Variants in DOCK1 observed in about 807,000 individuals in gnomAD.
The protein encoded by DOCK1 is dedicator of cytokinesis 1, also known as dedicator of cytokinesis protein 1.
In DOCK1, 138 loss-of-function variants were observed where a neutral mutation model predicts 262.7. The ratio of observed to expected loss-of-function variants is 0.53; its 90% CI spans 0.46 to 0.61. The LOEUF is 0.61. DOCK1 is among the 20% of genes least tolerant of loss of function. The probability of loss-of-function intolerance (pLI) is 0.00; values close to 1 mark genes in which losing one functional copy is unlikely to be tolerated. For missense variants in DOCK1, 1,908 were observed against 2,370.7 expected (o/e 0.80, Z 4.05); for synonymous variants, 866 against 867.4 (o/e 1.00, Z 0.03).
intron 1 of DOCK1, among the ~76,000 whole-genome samples, chr10:126,934,747 GTTTTTTTT>G (rs1166445414): frequency 3.9e-3 from 415 of 107,466 alleles, no homozygotes; most frequent in Non-Finnish European, 5.7e-3. Context: ...GAATTTACGA[GTTTTTTTT>G]TTTTTTTTTT....
intron 1 of DOCK1, among the ~76,000 whole-genome samples, chr10:126,948,671 C>A (rs1354977291): frequency 6.6e-6 from 1 of 152,074 alleles, no homozygotes; most frequent in Non-Finnish European, 1.5e-5. Flanking sequence ...GCCAGAGGCA[C>A]TGCTTCCCAG....
Position 127,012,636 on chromosome 10 carries a change from C to G in DOCK1, c.1201+262C>G, listed in dbSNP as rs1007768535. Among the ~76,000 whole-genome samples, 1 of 152,138 alleles carries G rather than the reference C, an allele frequency of 6.6e-6. No individual in the cohort carries two copies. Among genetic ancestry groups the G allele is most frequent in the African/African-American group, 2.4e-5 (1 of 41,424 alleles). ...CAGATTAGAAGTTTAGAGGAACATG[C>G]AGGCGGTAGGCGTAACTCCCTCTGC... On this transcript the variant is annotated intron_variant, in intron 12 of 51. Coordinates refer to ENST00000623213, the MANE Select transcript of DOCK1 (RefSeq NM_001290223.2). This position sits in a 1 kb window ranked among gnomAD's most constrained non-coding sequence, Gnocchi z 4.0.
intron 51 of DOCK1, 48 bp downstream of exon 51, chr10:127,447,593 A>G (rs769369173): frequency 1.3e-6 from 2 of 1,599,472 alleles, no homozygotes; most frequent in East Asian, 4.5e-5. Flanking sequence ...CGCCTCCACA[A>G]AGTAGGACGA....
At chr10:127,011,263 G>A (rs899130328) in intron 11 of DOCK1, among the ~76,000 whole-genome samples, 10 of 152,118 alleles carry the variant, frequency 6.6e-5, no homozygotes, top group South Asian at 2.1e-4. Flanking sequence ...GGGAAATGTC[G>A]TGCTAATGAA....
At chr10:127,222,884 C>T (rs2058494324) in intron 27 of DOCK1, among the ~76,000 whole-genome samples, 1 of 150,264 alleles carries the variant, frequency 6.7e-6, no homozygotes, top group Non-Finnish European at 1.5e-5. Context: ...ACTGTGTTGC[C>T]CAGACTGGTC....
At chr10:127,310,023 G>A (rs1013143153) in intron 29 of DOCK1, among the ~76,000 whole-genome samples, 3 of 151,854 alleles carry the variant, frequency 2.0e-5, no homozygotes, top group Admixed American at 6.6e-5. Context: ...CTACAAGCAC[G>A]TGCCACCACA....
At chr10:127,358,007 T>A (rs984254483) in intron 32 of DOCK1, among the ~76,000 whole-genome samples, 9 of 149,492 alleles carry the variant, frequency 6.0e-5, no homozygotes, top group South Asian at 2.1e-4. Flanking sequence ...TTTTTTTTTT[T>A]ATTTTAATTT....
chr10:127,068,258 G>A (rs373979542), intron 23 of DOCK1, among the ~76,000 whole-genome samples: 5 of 151,760 alleles, frequency 3.3e-5, no homozygotes, highest in African/African-American at 1.2e-4. Flanking sequence ...ATTTATTTCC[G>A]GGCTAGCATC....
chr10:127,065,199 C>T (rs930607164), intron 23 of DOCK1, among the ~76,000 whole-genome samples: 4 of 151,908 alleles, frequency 2.6e-5, no homozygotes, highest in Admixed American at 2.0e-4. Flanking sequence ...TTAGTAGAGA[C>T]GGGGTTTCAC....
intron 19 of DOCK1, among the ~76,000 whole-genome samples, chr10:127,040,346 G>A (rs2043939369): frequency 6.6e-6 from 1 of 152,226 alleles, no homozygotes; most frequent in African/African-American, 2.4e-5. Context: ...CTGTTTGCAT[G>A]TGACATTTTC....
chr10:127,412,147 A>G (rs1305530770), intron 43 of DOCK1, among the ~76,000 whole-genome samples: 1 of 151,762 alleles, frequency 6.6e-6, no homozygotes, highest in East Asian at 2.0e-4. Flanking sequence ...TATTTTTAGT[A>G]GAGACGGGGT....
chr10:127,291,835 A>G (rs1031834956), intron 29 of DOCK1, among the ~76,000 whole-genome samples: 1 of 152,216 alleles, frequency 6.6e-6, no homozygotes, highest in Non-Finnish European at 1.5e-5. Context: ...AGTGAAATGC[A>G]GACATAAATC....
At chr10:127,064,601 T>G (rs972344036) in intron 23 of DOCK1, among the ~76,000 whole-genome samples, 1 of 152,164 alleles carries the variant, frequency 6.6e-6, no homozygotes, top group African/African-American at 2.4e-5. Flanking sequence ...CTGCCTGCCT[T>G]CACTCCCCTT....
chr10:126,970,876 A>G (rs765978823), intron 2 of DOCK1, 91 bp downstream of exon 2: 3 of 1,369,946 alleles, frequency 2.2e-6, no homozygotes, highest in Non-Finnish European at 3.0e-6. Context: ...CCTCTGTTAC[A>G]GACACATAAG....
intron 27 of DOCK1, among the ~76,000 whole-genome samples, chr10:127,167,680 A>G (rs2054201340): frequency 6.6e-6 from 1 of 152,022 alleles, no homozygotes; most frequent in Non-Finnish European, 1.5e-5. Flanking sequence ...GGCCAGGGTG[A>G]ACTAAAACAA....
intron 1 of DOCK1, among the ~76,000 whole-genome samples, chr10:126,929,506 C>T (rs2034023254): frequency 1.3e-5 from 2 of 152,132 alleles, no homozygotes; most frequent in Middle Eastern, 3.4e-3. Flanking sequence ...TGGGAAGCTT[C>T]ACCAAGGAGG....
chr10:127,365,354 G>A (rs1377387459), intron 33 of DOCK1, among the ~76,000 whole-genome samples: 1 of 152,142 alleles, frequency 6.6e-6, no homozygotes, highest in African/African-American at 2.4e-5. Flanking sequence ...ATGTTAATAC[G>A]ATAAGATTTG....
At chr10:127,280,939 T>G (rs1039063713) in intron 29 of DOCK1, among the ~76,000 whole-genome samples, 3 of 152,226 alleles carry the variant, frequency 2.0e-5, no homozygotes, top group African/African-American at 7.2e-5. Context: ...ATTTTATTCC[T>G]TGAGTTAGCA....
chr10:127,015,449 C>T (rs1384619765), intron 12 of DOCK1, among the ~76,000 whole-genome samples: 1 of 152,162 alleles, frequency 6.6e-6, no homozygotes, highest in East Asian at 1.9e-4. Context: ...GGTCTCTGTC[C>T]CCTTGTGAGC....
Sources: gnomAD v4.1 joint callset for allele counts (sites outside exome capture counted in the v4.1 genomes callset) on GRCh38, gnomAD v4.1.1 for gene constraint, Gnocchi (gnomAD v3.1) non-coding constraint, MANE v1.5 for transcripts, NCBI Gene and HGNC (gene_info 2026-07-23, HGNC 2026-07-21) for gene names.